The following OIT3 variants were observed in gnomAD, a reference collection of about 807,000 sequenced individuals.
OIT3 encodes the protein oncoprotein-induced transcript 3 protein.
Under a neutral mutation model 52.2 loss-of-function variants are expected in OIT3, and 41 were observed. That is an observed-to-expected ratio of 0.79 (90% CI 0.61 to 1.02). The LOEUF is 1.02. Among genes scored for constraint, OIT3 ranks in the 50% least tolerant of loss-of-function variants. The pLI, the probability that OIT3 is intolerant of heterozygous loss-of-function variation, is 0.00. For synonymous variants in OIT3, 244 were observed against 276.9 expected, an observed-to-expected ratio of 0.88 and a Z score of 1.18; for missense variants, 634 against 715.5, an observed-to-expected ratio of 0.89 and a Z score of 1.30.
chr10:72,901,180 TA>T (rs1845931879), intron 3 of OIT3, among the ~76,000 whole-genome samples: 1 of 152,168 alleles, frequency 6.6e-6, no homozygotes, highest in Non-Finnish European at 1.5e-5. Context: ...AGTTTATTTT[TA>T]AAAAATTTTA....
chr10:72,904,560 CTGTT>C (rs755802676), intron 3 of OIT3, among the ~76,000 whole-genome samples: 11 of 152,148 alleles, frequency 7.2e-5, no homozygotes, highest in Non-Finnish European at 1.3e-4. Flanking sequence ...TCTACAAGTT[CTGTT>C]TGTTTGTTTT....
chr10:72,895,246 T>C (rs958246725), intron 1 of OIT3, among the ~76,000 whole-genome samples: 5 of 152,144 alleles, frequency 3.3e-5, no homozygotes, highest in South Asian at 2.1e-4. Context: ...TGCCAATAAC[T>C]AACCCAAGGG....
rs547252519 is a variant in OIT3, at chr10:72,911,897, A to G, written c.790+58A>G. 40 of 1,507,472 alleles carry G rather than the reference A, an allele frequency of 2.7e-5. No homozygotes were observed. In the East Asian group the frequency reaches 3.6e-4, roughly 13 times the overall value. 93.4% of individuals were successfully genotyped at this position (1,507,472 alleles called of 1,614,324 possible). Reference sequence around the variant, plus strand: ...TCTGATTACACTTCTTCCTCTCCCAAAGCTCTTTGTCTTCCTCCCCCAAGT... The same window carrying G: ...TCTGATTACACTTCTTCCTCTCCCAGAGCTCTTTGTCTTCCTCCCCCAAGT... On this transcript the variant is annotated intron_variant, in intron 5 of 8. Coordinates refer to ENST00000334011, the MANE Select transcript of OIT3 (RefSeq NM_152635.3).
chr10:72,895,608 C>T (rs920857524), intron 1 of OIT3, among the ~76,000 whole-genome samples: 12 of 152,196 alleles, frequency 7.9e-5, no homozygotes, highest in Non-Finnish European at 1.3e-4. Flanking sequence ...CGACCAAGCT[C>T]AGGCACAGGG....
At chr10:72,899,699 TAGATGATA>T (rs1341534628) in intron 2 of OIT3, among the ~76,000 whole-genome samples, 382 of 136,884 alleles carry the variant, frequency 2.8e-3, no homozygotes, top group African/African-American at 9.7e-3. Context: ...TTAAGATAGA[TAGATGATA>T]GATAGATAGA....
intron 7 of OIT3, among the ~76,000 whole-genome samples, chr10:72,926,545 C>T (rs950541636): frequency 7.9e-5 from 12 of 152,178 alleles, no homozygotes; most frequent in African/African-American, 2.9e-4. Flanking sequence ...CTGCTGAAAA[C>T]CTCTTAATGG....
chr10:72,908,895 T>G (rs1239063855), intron 4 of OIT3, among the ~76,000 whole-genome samples: 2 of 151,950 alleles, frequency 1.3e-5, no homozygotes, highest in African/African-American at 4.8e-5. Context: ...CTAAGCTATT[T>G]GATAATTATA....
chr10:72,911,947 A>G (rs1051864812), intron 5 of OIT3, 108 bp downstream of exon 5: 2 of 942,592 alleles, frequency 2.1e-6, no homozygotes, highest in Non-Finnish European at 3.1e-6. Flanking sequence ...ATCTTTTAGA[A>G]CAATGGCTCT....
chr10:72,899,114 A>G (rs1356005210), intron 2 of OIT3, 76 bp downstream of exon 2: 1 of 1,354,002 alleles, frequency 7.4e-7, no homozygotes, highest in African/African-American at 1.5e-5. Flanking sequence ...ATTATAGGAT[A>G]TGCAGTTACA....
At chr10:72,904,011 G>A (rs11000441) in intron 3 of OIT3, among the ~76,000 whole-genome samples, 11,640 of 152,094 alleles carry the variant, frequency 0.077, 670 homozygotes, top group East Asian at 0.25. Flanking sequence ...ACAGCCCGGC[G>A]CCACACCCTG....
intron 8 of OIT3, among the ~76,000 whole-genome samples, 187 bp from the exon 9 acceptor site, chr10:72,932,167 A>G (rs1056594936): frequency 1.3e-5 from 2 of 152,164 alleles, no homozygotes; most frequent in African/African-American, 4.8e-5. Context: ...AAATGTGTAC[A>G]TTTGGGCAAG....
chr10:72,920,399 C>A (rs906309526), intron 6 of OIT3, among the ~76,000 whole-genome samples: 3 of 151,958 alleles, frequency 2.0e-5, no homozygotes, highest in African/African-American at 7.2e-5. Context: ...ATTTGTTGAT[C>A]TTTTGAATGG....
chr10:72,898,674 T>C lies in OIT3; in HGVS notation c.72T>C (p.Pro24=). ...CTTTTTCATTTCCAGCCCTAGATCC[T>C]TGTTCTGCTTACATCAGCCTGAATG... ...GTSVSPVALD[P]CSAYISLNEP... Residue 24 remains proline, a synonymous_variant, in exon 2 of 9, where the codon CCT becomes CCC. Transcript: ENST00000334011. 6.2e-7 allele frequency: 1 copy of C among 1,608,948 alleles called. No individual in the cohort carries two copies.
intron 6 of OIT3, among the ~76,000 whole-genome samples, chr10:72,922,613 A>G (rs1846131175): frequency 6.6e-6 from 1 of 151,884 alleles, no homozygotes; most frequent in African/African-American, 2.4e-5. Context: ...GCTTCCTTGC[A>G]TTGAGTTAGA....
intron 6 of OIT3, chr10:72,918,013 C>T: frequency 2.5e-6 from 2 of 816,304 alleles, no homozygotes; most frequent in Non-Finnish European, 2.1e-6. Flanking sequence ...TCATCATCTT[C>T]ATCTTCTTCA....
rs896719924 is a variant in OIT3, at chr10:72,932,527, C to T, written c.*3C>T. On this transcript the variant is annotated 3_prime_UTR_variant, in exon 9 of 9. Coordinates refer to ENST00000334011, the MANE Select transcript of OIT3 (RefSeq NM_152635.3). Reference sequence around the variant, plus strand: ...TCCGCATCGACTGGGAGGACTAGTTCGTAGCCATACCTCGAGTCCCTGCAT... The same window carrying T: ...TCCGCATCGACTGGGAGGACTAGTTTGTAGCCATACCTCGAGTCCCTGCAT... The T allele has an allele frequency of 8.2e-6, 13 of 1,592,968 alleles. No individual in the cohort carries two copies. The highest frequency in any genetic ancestry group is 2.2e-5 in the East Asian group (1 of 44,550).
At chr10:72,931,573 A>G (rs1052469751) in intron 8 of OIT3, among the ~76,000 whole-genome samples, 12 of 152,238 alleles carry the variant, frequency 7.9e-5, no homozygotes, top group African/African-American at 2.2e-4. Flanking sequence ...GGGGTAAAAG[A>G]AAAAGCCCCA....
At chr10:72,912,271 T>C (rs1450477651) in intron 5 of OIT3, among the ~76,000 whole-genome samples, 5 of 136,206 alleles carry the variant, frequency 3.7e-5, no homozygotes, top group African/African-American at 1.8e-4. Context: ...TTCTTTTTTT[T>C]CTTTTTTTTT....
At chr10:72,906,316 A>G (rs1352531218) in intron 3 of OIT3, among the ~76,000 whole-genome samples, 1 of 152,234 alleles carries the variant, frequency 6.6e-6, no homozygotes, top group Non-Finnish European at 1.5e-5. Context: ...AGGTAGGTGT[A>G]CCCACGACTC....
Sources: gnomAD v4.1 joint callset for allele counts (sites outside exome capture counted in the v4.1 genomes callset) on GRCh38, gnomAD v4.1.1 for gene constraint, MANE v1.5 for transcripts, NCBI Gene and HGNC (gene_info 2026-07-23, HGNC 2026-07-21) for gene names.